The following CLIC5 variants were observed in gnomAD, a reference collection of about 807,000 sequenced individuals.
CLIC5 encodes chloride intracellular channel protein 5.
CLIC5 carries 20 observed loss-of-function variants against 24.7 expected under a neutral mutation model. The ratio of observed to expected loss-of-function variants is 0.81; its 90% CI spans 0.57 to 1.18. CLIC5 has a LOEUF of 1.18. Among genes scored for constraint, CLIC5 ranks in the 50% most tolerant of loss-of-function variants. CLIC5 has a pLI of 0.00. For synonymous variants in CLIC5, 159 were observed against 135.6 expected (o/e 1.17, Z -1.20); for missense variants, 341 against 326.1 (o/e 1.05, Z -0.35).
chr6:46,045,972 C>T (rs1431591780), intron 1 of CLIC5, among the ~76,000 whole-genome samples: 1 of 152,128 alleles, frequency 6.6e-6, no homozygotes, highest in Non-Finnish European at 1.5e-5. Context: ...TTTTGACAAT[C>T]GCCTTACCTG....
the CLIC5 span, among the ~76,000 whole-genome samples, chr6:46,127,859 CA>C: frequency 6.6e-6 from 1 of 152,182 alleles, no homozygotes; most frequent in African/African-American, 2.4e-5. Context: ...ATCTAGACGT[CA>C]TTTCTATCAC....
intron 1 of CLIC5, among the ~76,000 whole-genome samples, chr6:46,003,924 A>C (rs1445187958): frequency 6.6e-6 from 1 of 152,184 alleles, no homozygotes; most frequent in Non-Finnish European, 1.5e-5. Flanking sequence ...GCAACCCATC[A>C]TGCAGCCCCT....
Position 45,939,838 on chromosome 6 carries a change from G to T in CLIC5, c.406+1709C>A, listed in dbSNP as rs567066140. On this transcript the variant is annotated intron_variant, in intron 4 of 5. Coordinates refer to ENST00000339561, the MANE Select transcript of CLIC5 (RefSeq NM_016929.5). ...AACAAGTTTTTTTTTTTTTTGTAAAGACAGGGTCTTACTATGTTGCCCAGG... is the reference window on the plus strand; with the variant it reads ...AACAAGTTTTTTTTTTTTTTGTAAATACAGGGTCTTACTATGTTGCCCAGG... Among the ~76,000 whole-genome samples, 178 of 146,660 alleles carry T rather than the reference G, an allele frequency of 1.2e-3. 1 individual carries two copies. Among genetic ancestry groups the T allele is most frequent in the Admixed American group, 3.6e-3 (53 of 14,600 alleles).
intron 1 of CLIC5, among the ~76,000 whole-genome samples, chr6:46,039,861 TAGCAACTAA>T (rs1767758248): frequency 6.6e-6 from 1 of 152,166 alleles, no homozygotes. Context: ...TCAGTCTCAA[TAGCAACTAA>T]AGAGATGTAA....
intron 1 of CLIC5, among the ~76,000 whole-genome samples, chr6:46,067,639 T>C (rs917735099): frequency 6.6e-6 from 1 of 152,186 alleles, no homozygotes; most frequent in Non-Finnish European, 1.5e-5. Context: ...TTGACTCCAA[T>C]GTCCCTTTAG....
upstream of CLIC5, among the ~76,000 whole-genome samples, chr6:46,016,444 T>C (rs1194047497): frequency 6.6e-6 from 1 of 152,150 alleles, no homozygotes; most frequent in African/African-American, 2.4e-5. Context: ...GGGTGGCTCC[T>C]GGGGCAGAGG....
At chr6:46,116,585 G>T in the CLIC5 span, among the ~76,000 whole-genome samples, 1 of 152,100 alleles carries the variant, frequency 6.6e-6, no homozygotes, top group South Asian at 2.1e-4. Flanking sequence ...TAAGTGTTGG[G>T]GATTACTATC....
At chr6:45,940,211 T>C (rs1250173075) in intron 4 of CLIC5, among the ~76,000 whole-genome samples, 1 of 152,218 alleles carries the variant, frequency 6.6e-6, no homozygotes, top group Non-Finnish European at 1.5e-5. Flanking sequence ...GTCTCATGCA[T>C]TTACCCCCAT....
At chr6:46,082,625 C>G (rs976699942), upstream of CLIC5, among the ~76,000 whole-genome samples, 1 of 152,168 alleles carries the variant, frequency 6.6e-6, no homozygotes, top group South Asian at 2.1e-4. Flanking sequence ...TGGCTATTCT[C>G]TCTAAGAGAA....
At chr6:46,024,063 G>A (rs1042411651) in intron 1 of CLIC5, among the ~76,000 whole-genome samples, 2 of 152,156 alleles carry the variant, frequency 1.3e-5, no homozygotes, top group Non-Finnish European at 2.9e-5. Context: ...CAAGGTTAGG[G>A]ACATCGGGAA....
upstream of CLIC5, chr6:46,080,477 T>C: frequency 2.1e-6 from 1 of 478,088 alleles, no homozygotes; most frequent in South Asian, 4.6e-5. Context: ...ACTCCTTCAC[T>C]CCTAAAGATA....
rs1212110703 is a variant in CLIC5 at position 45,949,336 on chromosome 6, G to A, written c.219C>T (p.Pro73=). The change falls in exon 3 of 6, where the codon CCC becomes CCT. Residue 73 remains proline (P), a synonymous_variant. Coordinates refer to ENST00000339561, the MANE Select transcript of CLIC5 (RefSeq NM_016929.5). ...LHNLAPGTHP[P]FLTFNGDVKT... ...TCACGTCCCCGTTGAAGGTCAGGAA[G>A]GGCGGGTGCGTGCCGGGGGCTAGGT... The A allele has an allele frequency of 6.2e-7, 1 of 1,614,050 alleles. No individual in the cohort carries two copies. The highest frequency in any genetic ancestry group is 2.2e-5 in the East Asian group (1 of 44,872).
chr6:45,965,856 A>G (rs1334826347), intron 1 of CLIC5, among the ~76,000 whole-genome samples: 1 of 152,178 alleles, frequency 6.6e-6, no homozygotes, highest in Non-Finnish European at 1.5e-5. Flanking sequence ...TCGTGAATCC[A>G]TTCCCCCTAT....
chr6:46,005,324 A>G (rs1183971837), intron 1 of CLIC5, among the ~76,000 whole-genome samples: 1 of 152,194 alleles, frequency 6.6e-6, no homozygotes, highest in Non-Finnish European at 1.5e-5. Flanking sequence ...AAAAGAAACC[A>G]TCACCCTGAA....
chr6:46,128,301 T>C, the CLIC5 span, among the ~76,000 whole-genome samples: 68,174 of 152,090 alleles, frequency 0.45, 16,567 homozygotes, highest in South Asian at 0.68. Context: ...ATCCAGCTGC[T>C]ATCTTCACCA....
chr6:46,101,156 A>T, the CLIC5 span, among the ~76,000 whole-genome samples: 1 of 152,212 alleles, frequency 6.6e-6, no homozygotes, highest in East Asian at 1.9e-4. Context: ...GAATCTGCGA[A>T]GATAGAAAAT....
chr6:46,129,522 G>A, the CLIC5 span: 13 of 152,202 alleles, frequency 8.5e-5, no homozygotes, highest in African/African-American at 3.1e-4. Context: ...CCCGGTAAAG[G>A]TGCTCGCTTA....
intron 1 of CLIC5, among the ~76,000 whole-genome samples, chr6:46,054,655 T>C (rs1252134030): frequency 6.6e-6 from 1 of 152,216 alleles, no homozygotes; most frequent in Non-Finnish European, 1.5e-5. Flanking sequence ...AAGGAAGTAA[T>C]TAAGGCTGAA....
At chr6:45,911,936 A>G in intron 5 of CLIC5, 1 of 985,454 alleles carries the variant, frequency 1.0e-6, no homozygotes, top group Non-Finnish European at 1.2e-6. Context: ...TTCAAGCCAA[A>G]CTCTCATGGA....
Sources: gnomAD v4.1 joint callset for allele counts (sites outside exome capture counted in the v4.1 genomes callset) on GRCh38, gnomAD v4.1.1 for gene constraint, MANE v1.5 for transcripts, NCBI Gene and HGNC (gene_info 2026-07-23, HGNC 2026-07-21) for gene names.